CACNA2D1: variants seen among roughly 807,000 people sequenced by gnomAD.
The protein encoded by CACNA2D1 is calcium voltage-gated channel auxiliary subunit alpha2delta 1, also known as voltage-dependent calcium channel subunit alpha-2/delta-1.
In CACNA2D1, 53 loss-of-function variants were observed where a neutral mutation model predicts 171.5. The observed-to-expected ratio is 0.31, with a 90% CI of 0.25 to 0.39. The LOEUF is 0.39. Ranked by LOEUF, CACNA2D1 falls within the 10% of genes least tolerant of loss-of-function variation. CACNA2D1 has a pLI of 1.00. For synonymous variants in CACNA2D1, 442 were observed against 443.1 expected (o/e 1.00, Z 0.03); for missense variants, 903 against 1,299.8 (o/e 0.69, Z 4.69).
rs184163991 is a variant in CACNA2D1, at chr7:82,190,303, A to G, written c.295-19694T>C. On this transcript the variant is annotated intron_variant, in intron 3 of 38. Coordinates refer to ENST00000356860, the MANE Select transcript of CACNA2D1 (RefSeq NM_000722.4). ...TTTTTCTTTATCCTGAATGTGAGCC[A>G]ATGTTTAATTGCTTCATATCCATAA... 5.1e-3 allele frequency among the ~76,000 whole-genome samples: 776 copies of G among 151,920 alleles called. 7 individuals are homozygous for G. Among genetic ancestry groups the G allele is most frequent in the Middle Eastern group, 0.017 (5 of 294 alleles).
chr7:82,304,697 C>A (rs952722878), intron 3 of CACNA2D1, among the ~76,000 whole-genome samples: 2 of 151,876 alleles, frequency 1.3e-5, no homozygotes, highest in Non-Finnish European at 2.9e-5. Flanking sequence ...TAACCAGAGG[C>A]TAGGAATATT....
At chr7:82,349,242 T>C (rs1240934542) in intron 2 of CACNA2D1, among the ~76,000 whole-genome samples, 3 of 152,206 alleles carry the variant, frequency 2.0e-5, no homozygotes, top group Non-Finnish European at 4.4e-5. Flanking sequence ...TTATTAAATA[T>C]ATTCTGAAGA....
Position 81,962,561 on chromosome 7 carries a change from A to G in CACNA2D1, c.2781-66T>C, listed in dbSNP as rs149101621. 28 of 869,044 alleles carry G rather than the reference A, an allele frequency of 3.2e-5. No individual in the cohort carries two copies. In the African/African-American group the frequency reaches 3.9e-4, roughly 12 times the overall value. The allele number at this position is 869,044 out of a possible 1,614,324, so 53.8% of individuals were successfully genotyped here. ...AAAATGTGTTTTTACATGTACCCAT[A>G]CACATAAATACTGTTTCCCTTTATC... On this transcript the variant is annotated intron_variant, in intron 34 of 38. Transcript: ENST00000356860.
At chr7:82,122,606 C>G (rs972398536) in intron 5 of CACNA2D1, among the ~76,000 whole-genome samples, 1 of 151,036 alleles carries the variant, frequency 6.6e-6, no homozygotes, top group African/African-American at 2.4e-5. Context: ...GGATGTAATA[C>G]AGTGCTACAA....
At chr7:82,083,150 A>G (rs1330991854) in intron 7 of CACNA2D1, among the ~76,000 whole-genome samples, 1 of 151,860 alleles carries the variant, frequency 6.6e-6, no homozygotes, top group Non-Finnish European at 1.5e-5. Flanking sequence ...TCTTTTAATT[A>G]TCATTTCCCT....
intron 3 of CACNA2D1, among the ~76,000 whole-genome samples, chr7:82,325,022 G>A (rs6955546): frequency 0.085 from 12,870 of 152,118 alleles, 1,810 homozygotes; most frequent in African/African-American, 0.29. Context: ...TTGGCCTTTC[G>A]CTGTCAGCAG....
intron 12 of CACNA2D1, among the ~76,000 whole-genome samples, chr7:82,016,620 C>T (rs1392392316): frequency 2.5e-5 from 3 of 120,098 alleles, no homozygotes; most frequent in African/African-American, 6.1e-5. Flanking sequence ...GCCCCCCCCC[C>T]CCAAAAAAAA....
At chr7:82,407,015 C>T (rs1420828305) in intron 1 of CACNA2D1, among the ~76,000 whole-genome samples, 1 of 152,158 alleles carries the variant, frequency 6.6e-6, no homozygotes, top group Non-Finnish European at 1.5e-5. Flanking sequence ...CTACTTACTA[C>T]CCCTCTATAA....
At chr7:82,406,124 G>A (rs1337128478) in intron 1 of CACNA2D1, among the ~76,000 whole-genome samples, 1 of 152,072 alleles carries the variant, frequency 6.6e-6, no homozygotes, top group Non-Finnish European at 1.5e-5. Context: ...CCACCTATGA[G>A]TGAGAACATG....
At chr7:82,408,919 G>A (rs1585857400) in intron 1 of CACNA2D1, among the ~76,000 whole-genome samples, 1 of 152,120 alleles carries the variant, frequency 6.6e-6, no homozygotes, top group Non-Finnish European at 1.5e-5. Context: ...AGCTTTAAGA[G>A]AAAAGACGTG....
At chr7:82,042,048 TTAAA>T (rs1255925503) in intron 10 of CACNA2D1, among the ~76,000 whole-genome samples, 13 of 152,188 alleles carry the variant, frequency 8.5e-5, no homozygotes, top group African/African-American at 2.9e-4. Context: ...AATTCATTCA[TTAAA>T]TATATATTCA....
intron 18 of CACNA2D1, among the ~76,000 whole-genome samples, chr7:82,000,894 G>T (rs1213268785): frequency 7.3e-6 from 1 of 137,650 alleles, no homozygotes; most frequent in Non-Finnish European, 1.5e-5. Context: ...CTCCCAAAGT[G>T]TTGGGATTAT....
chr7:82,107,586 C>CTTTTTTTTT lies in CACNA2D1; in HGVS notation c.526+9449_526+9457dup, dbSNP rs72498624. ...ATTTCACTATTACAATGAAAATAAA[C>CTTTTTTTTT]TTTTTTTTTTTTTTTTTGAGACAGT... is the stretch of plus-strand genomic sequence containing the variant. On this transcript the variant is annotated intron_variant, in intron 6 of 38. Transcript: ENST00000356860. Among the ~76,000 whole-genome samples, 119 of 135,648 alleles carry CTTTTTTTTT rather than the reference C, an allele frequency of 8.8e-4. 1 individual carries two copies. The East Asian group carries it at 0.012, about 13-fold the overall frequency. The allele number at this position is 135,648 out of a possible 152,430, so 89.0% of individuals were successfully genotyped here. A position where few individuals can be genotyped will look rare whatever the true frequency, so the allele number is the denominator to read the frequency against.
chr7:82,025,987 T>A (rs1003819765), intron 12 of CACNA2D1, among the ~76,000 whole-genome samples: 2 of 151,668 alleles, frequency 1.3e-5, no homozygotes, highest in African/African-American at 4.8e-5. Context: ...TACATCTTTG[T>A]TATATATTAT....
chr7:82,072,959 T>C (rs1162651215), intron 7 of CACNA2D1, among the ~76,000 whole-genome samples: 3 of 152,162 alleles, frequency 2.0e-5, no homozygotes, highest in African/African-American at 7.2e-5. Flanking sequence ...TATAGATATT[T>C]AAAAATAGAT....
At chr7:82,139,621 T>C (rs935386127) in intron 4 of CACNA2D1, among the ~76,000 whole-genome samples, 2 of 152,182 alleles carry the variant, frequency 1.3e-5, no homozygotes, top group Non-Finnish European at 2.9e-5. Flanking sequence ...GTTAACGAAT[T>C]TGTACAAGGC....
intron 3 of CACNA2D1, among the ~76,000 whole-genome samples, chr7:82,313,633 C>T (rs1160903817): frequency 1.3e-5 from 2 of 152,180 alleles, no homozygotes; most frequent in Admixed American, 6.6e-5. Flanking sequence ...ATAAAAGCAC[C>T]AACCAACTGG....
chr7:82,131,627 G>A (rs1411335735), intron 5 of CACNA2D1, among the ~76,000 whole-genome samples: 2 of 152,150 alleles, frequency 1.3e-5, no homozygotes, highest in African/African-American at 4.8e-5. Flanking sequence ...CAGTTAGTAT[G>A]CCAATTAGCC....
chr7:82,423,035 T>C (rs763448), intron 1 of CACNA2D1, among the ~76,000 whole-genome samples: 25,793 of 152,058 alleles, frequency 0.17, 2,953 homozygotes, highest in East Asian at 0.46. Flanking sequence ...CTCCATTCCT[T>C]GAAAACTTTT....
Sources: gnomAD v4.1 joint callset for allele counts (sites outside exome capture counted in the v4.1 genomes callset) on GRCh38, gnomAD v4.1.1 for gene constraint, MANE v1.5 for transcripts, NCBI Gene and HGNC (gene_info 2026-07-23, HGNC 2026-07-21) for gene names.